ELP5: variants seen among roughly 807,000 people sequenced by gnomAD.
ELP5 encodes elongator acetyltransferase complex subunit 5, also known as elongator complex protein 5.
A neutral mutation model predicts 33.4 loss-of-function variants in ELP5; 34 were observed. The observed-to-expected ratio is 1.02, with a 90% CI of 0.78 to 1.36. The LOEUF (loss-of-function observed/expected upper bound fraction) is 1.36, where lower values mean the gene tolerates loss of function less well. Among genes scored for constraint, ELP5 ranks in the 40% most tolerant of loss-of-function variants. The probability of loss-of-function intolerance (pLI) is 0.00; values close to 1 mark genes in which losing one functional copy is unlikely to be tolerated. For synonymous variants in ELP5, 161 were observed against 146.4 expected (o/e 1.10, Z -0.72); for missense variants, 373 against 371.7 (o/e 1.00, Z -0.03).
At chr17:7,256,386 TAC>T (rs1166569500) in intron 4 of ELP5, among the ~76,000 whole-genome samples, 1 of 152,222 alleles carries the variant, frequency 6.6e-6, no homozygotes, top group Non-Finnish European at 1.5e-5. Flanking sequence ...AGTGATTTCA[TAC>T]AGTTTGACCT....
At chr17:7,252,648 T>C (rs772899809) in intron 1 of ELP5, 52 bp downstream of exon 1, 2 of 1,603,190 alleles carry the variant, frequency 1.2e-6, no homozygotes, top group South Asian at 1.1e-5. Flanking sequence ...CGGGCCTGGC[T>C]GAGGGGACGG....
At chr17:7,257,102 A>C in intron 5 of ELP5, 64 bp downstream of exon 5, 1 of 1,454,914 alleles carries the variant, frequency 6.9e-7, no homozygotes, top group Admixed American at 2.5e-5. Context: ...CACGATGGGA[A>C]GAACAATGAA....
chr17:7,259,484 CTGAA>C lies in ELP5; in HGVS notation c.789-83_789-80del, dbSNP rs1014220364. 67 of 1,580,904 alleles carry C rather than the reference CTGAA, an allele frequency of 4.2e-5. No homozygotes were observed. In the African/African-American group the frequency reaches 8.6e-4, roughly 20 times the overall value. ...ATGACATGGAGGCCTAACAGGTTGC[CTGAA>C]TGAGAGTCACAGTCACCTGGAAGAA... On this transcript the variant is annotated intron_variant, in intron 7 of 7. Transcript: ENST00000396628.
chr17:7,257,299 T>C (rs569926188), intron 5 of ELP5, among the ~76,000 whole-genome samples: 1 of 152,232 alleles, frequency 6.6e-6, no homozygotes, highest in African/African-American at 2.4e-5. Context: ...TAAAAAAAGC[T>C]GATTTAGGTA....
rs756553203 is a variant in ELP5, at chr17:7,259,701, T to A, written c.*16T>A. The A allele has an allele frequency of 2.5e-6, 4 of 1,614,028 alleles. No individual in the cohort carries two copies. In the South Asian group the frequency reaches 4.4e-5, roughly 18 times the overall value. ...GGATATTTGACTGGCCAGATTTGAT[T>A]AGATTGTAATTGGAGGGGGCGCGGG... is the stretch of plus-strand genomic sequence containing the variant. On this transcript the variant is annotated 3_prime_UTR_variant, in exon 8 of 8. Transcript: ENST00000396628.
At chr17:7,259,268 A>AGGGCTTAGTACACGCTTG in intron 7 of ELP5, 1 of 1,371,774 alleles carries the variant, frequency 7.3e-7, no homozygotes, top group Non-Finnish European at 9.4e-7. Flanking sequence ...CTGGTTAACA[A>AGGGCTTAGTACACGCTTG]GGGCTTAGTA....
chr17:7,258,317 C>T (rs1304216818), intron 5 of ELP5, among the ~76,000 whole-genome samples: 1 of 146,000 alleles, frequency 6.8e-6, no homozygotes, highest in Non-Finnish European at 1.5e-5. Context: ...GGTGTGGTAG[C>T]ACGTGCCTGT....
Position 7,258,920 on chromosome 17 carries a change from C to G in ELP5, c.782C>G (p.Ser261Cys). The G allele has an allele frequency of 6.2e-7, 1 of 1,614,100 alleles. No individual in the cohort carries two copies. Among genetic ancestry groups the G allele is most frequent in the African/African-American group, 1.3e-5 (1 of 75,014 alleles). The change falls in exon 7 of 8, where the codon TCT becomes TGT. Residue 261 changes from serine (S) to cysteine (C), a missense_variant. Coordinates refer to ENST00000396628, the MANE Select transcript of ELP5 (RefSeq NM_203414.3). ...CTGATCCTGCCCTTCCAGTTCAGTT[C>G]TGAAAAGTAAGGTTGGGACCTGGGT... ...DSLILPFQFS[S>C]EKQQALLRPR...
chr17:7,259,540 C>A, intron 7 of ELP5, 31 bp from the exon 8 acceptor site: 1 of 1,613,598 alleles, frequency 6.2e-7, no homozygotes, highest in Non-Finnish European at 8.5e-7. Context: ...CTGTTAGCTA[C>A]CCTCACCAGC....
intron 7 of ELP5, 176 bp downstream of exon 7, chr17:7,259,102 A>G: frequency 1.4e-6 from 2 of 1,449,844 alleles, no homozygotes; most frequent in Non-Finnish European, 1.8e-6. Context: ...GAGGACCTTT[A>G]TGTCTCTTTT....
At position 7,252,250 on chromosome 17, in the gene ELP5, G is replaced by C. The variant is rs1041293255; in HGVS notation, c.-301G>C. 3.6e-5 allele frequency: 18 copies of C among 493,234 alleles called. No homozygotes were observed. The highest frequency in any genetic ancestry group is 5.5e-5 in the Non-Finnish European group (15 of 270,550). The allele number at this position is 493,234 out of a possible 1,614,324, so 30.6% of individuals were successfully genotyped here. On this transcript the variant is annotated 5_prime_UTR_variant, in exon 1 of 8. Transcript: ENST00000396628. ...CGCTTAGGGCCCTCGCGGGGGGCTT[G>C]TGGGTCCTCCTCCCCCTCCCACTGA...
intron 7 of ELP5, chr17:7,259,244 G>A: frequency 7.3e-7 from 1 of 1,372,682 alleles, no homozygotes. Context: ...AAGGCTATAT[G>A]GGCGTGGCAG....
intron 3 of ELP5, 89 bp downstream of exon 3, chr17:7,253,087 A>T: frequency 8.0e-7 from 1 of 1,243,072 alleles, no homozygotes; most frequent in Non-Finnish European, 1.2e-6. Context: ...CCTGGTATGT[A>T]GTAGCAGTTC....
Position 7,257,015 on chromosome 17 carries a change from C to T in ELP5, c.568C>T (p.Pro190Ser), listed in dbSNP as rs1168899647. Residue 190 changes from proline (P) to serine (S), a missense_variant, in exon 5 of 8, where the codon CCC becomes TCC. Physicochemically the swap from Pro to Ser is moderately conservative, Grantham distance 74. Coordinates refer to ENST00000396628, the MANE Select transcript of ELP5 (RefSeq NM_203414.3). ...CTCGGCCCACATCCTGTGTCGGAGG[C>T]CCCGACAGCGCCCAACTGACCAGGT... ...QASAHILCRR[P>S]RQRPTDQTQW... 1.3e-6 allele frequency: 2 copies of T among 1,598,328 alleles called. No homozygotes were observed. Among genetic ancestry groups the T allele is most frequent in the Non-Finnish European group, 8.5e-7 (1 of 1,174,060 alleles).
At position 7,259,813 on chromosome 17, in the gene ELP5, G is replaced by GC. The variant is rs1402396425; in HGVS notation, c.*132dup. On this transcript the variant is annotated 3_prime_UTR_variant, in exon 8 of 8. Coordinates refer to ENST00000396628, the MANE Select transcript of ELP5 (RefSeq NM_203414.3). ...CACCTTGGTTCCCCTTGTCTATGGA[G>GC]CCCCGCCTTGTGAGCCAGGAAGCAG... 1.2e-5 allele frequency: 18 copies of GC among 1,466,500 alleles called. No homozygotes were observed. Among genetic ancestry groups the GC allele is most frequent in the Non-Finnish European group, 2.7e-6 (3 of 1,105,732 alleles). The allele number at this position is 1,466,500 out of a possible 1,614,324, so 90.8% of individuals were successfully genotyped here.
intron 3 of ELP5, among the ~76,000 whole-genome samples, chr17:7,253,858 A>G (rs574238616): frequency 6.6e-6 from 1 of 152,114 alleles, no homozygotes; most frequent in Non-Finnish European, 1.5e-5. Flanking sequence ...TTACCTGGGC[A>G]TGGTGGCACA....
chr17:7,254,756 C>T lies in ELP5; in HGVS notation c.362C>T (p.Thr121Ile). ...SWLLLRLPCT[T>I]LCQVLHAVSH... Reference sequence around the variant, plus strand: ...CTGCTACTTCGCCTTCCCTGCACCACACTCTGCCAGGTCCTGCATGCTGTG... The same window carrying T: ...CTGCTACTTCGCCTTCCCTGCACCATACTCTGCCAGGTCCTGCATGCTGTG... Residue 121 changes from threonine to isoleucine, a missense_variant, in exon 4 of 8, where the codon ACA becomes ATA. Physicochemically the swap from Thr to Ile is moderately conservative, Grantham distance 89. Coordinates refer to ENST00000396628, the MANE Select transcript of ELP5 (RefSeq NM_203414.3). 6.2e-7 allele frequency: 1 copy of T among 1,614,190 alleles called. No individual in the cohort carries two copies. The highest frequency in any genetic ancestry group is 1.1e-5 in the South Asian group (1 of 91,084).
chr17:7,254,502 C>A, intron 3 of ELP5, 81 bp from the exon 4 acceptor site: 1 of 972,632 alleles, frequency 1.0e-6, no homozygotes, highest in Non-Finnish European at 1.5e-6. Flanking sequence ...GAGAAAACAG[C>A]CATAAAGATC....
In ELP5 at chr17:7,252,273, T is replaced by C. The variant is rs2071950306; in HGVS notation, c.-278T>C. 1 of 523,966 alleles carries C rather than the reference T, an allele frequency of 1.9e-6. No individual in the cohort carries two copies. The highest frequency in any genetic ancestry group is 3.5e-6 in the Non-Finnish European group (1 of 288,396). 32.5% of individuals were successfully genotyped at this position (523,966 alleles called of 1,614,324 possible). On this transcript the variant is annotated 5_prime_UTR_variant, in exon 1 of 8. Coordinates refer to ENST00000396628, the MANE Select transcript of ELP5 (RefSeq NM_203414.3). ...TTGTGGGTCCTCCTCCCCCTCCCAC[T>C]GACAACTGCCCCAACTGCTCTTCCC...
Sources: allele counts gnomAD v4.1 joint callset (sites outside exome capture counted in the v4.1 genomes callset), GRCh38; gene constraint gnomAD v4.1.1; transcripts MANE v1.5; gene names NCBI Gene and HGNC (gene_info 2026-07-23, HGNC 2026-07-21).